The following NOL4L variants were observed in gnomAD, a reference collection of about 807,000 sequenced individuals.
The protein encoded by NOL4L is nucleolar protein 4 like, also known as nucleolar protein 4-like.
NOL4L carries 7 observed loss-of-function variants against 64.5 expected under a neutral mutation model. That is an observed-to-expected ratio of 0.11 (90% confidence interval 0.06 to 0.20). The LOEUF (loss-of-function observed/expected upper bound fraction) is 0.20, where lower values mean the gene tolerates loss of function less well. Among genes scored for constraint, NOL4L ranks in the 10% least tolerant of loss-of-function variants. The pLI, the probability that NOL4L is intolerant of heterozygous loss-of-function variation, is 1.00. For synonymous variants in NOL4L, 413 were observed against 401.0 expected (o/e 1.03, Z -0.36); for missense variants, 680 against 967.1 (o/e 0.70, Z 3.94).
chr20:32,485,257 C>G (rs887935558), intron 4 of NOL4L, among the ~76,000 whole-genome samples: 1 of 152,046 alleles, frequency 6.6e-6, no homozygotes, highest in African/African-American at 2.4e-5. Context: ...TTGAAACAGA[C>G]TGCCTTTAAC....
chr20:32,452,332 C>G lies in NOL4L; in HGVS notation c.1726G>C (p.Ala576Pro). ...TAACTGTAGTTGAGGCCGCCGTTGGCGTACACAGGGTCCTGGGAGTAGGAG... is the reference window on the plus strand; with the variant it reads ...TAACTGTAGTTGAGGCCGCCGTTGGGGTACACAGGGTCCTGGGAGTAGGAG... Reference protein sequence around the residue: ...ASSYSQDPVYANGGLNYSYRG... With the variant: ...ASSYSQDPVYPNGGLNYSYRG... Residue 576 changes from alanine (A) to proline (P), a missense_variant, in exon 10 of 11, where the codon GCC becomes CCC. Around this residue, in one of 4 missense-constraint regions of NOL4L, gnomAD observed 175 missense variants for 227.0 expected, o/e 0.77. Coordinates refer to ENST00000621426, the MANE Select transcript of NOL4L (RefSeq NM_001256798.2). 6.2e-7 allele frequency: 1 copy of G among 1,609,628 alleles called. No homozygotes were observed. The highest frequency in any genetic ancestry group is 8.5e-7 in the Non-Finnish European group (1 of 1,177,486).
chr20:32,470,333 T>C (rs1328693211), intron 5 of NOL4L, among the ~76,000 whole-genome samples: 1 of 152,242 alleles, frequency 6.6e-6, no homozygotes, highest in Non-Finnish European at 1.5e-5. Flanking sequence ...AGCCCCGGCC[T>C]GCAGGAGGCG....
intron 1 of NOL4L, among the ~76,000 whole-genome samples, chr20:32,559,850 G>A (rs968806229): frequency 7.9e-5 from 12 of 152,356 alleles, no homozygotes; most frequent in Admixed American, 7.8e-4. Flanking sequence ...TGTCCCAAGG[G>A]ACCACGGCCA....
At chr20:32,470,079 C>A (rs1461296218) in intron 5 of NOL4L, among the ~76,000 whole-genome samples, 1 of 152,244 alleles carries the variant, frequency 6.6e-6, no homozygotes, top group African/African-American at 2.4e-5. Flanking sequence ...AGCAATCCCC[C>A]GACTGCCCAC....
At chr20:32,490,424 G>A (rs962204228) in intron 4 of NOL4L, among the ~76,000 whole-genome samples, 11 of 152,144 alleles carry the variant, frequency 7.2e-5, no homozygotes, top group Non-Finnish European at 1.0e-4. Flanking sequence ...TGCGACAGGT[G>A]GAAAGTAGGG....
chr20:32,550,991 G>A (rs2018793637), intron 1 of NOL4L, among the ~76,000 whole-genome samples: 1 of 152,006 alleles, frequency 6.6e-6, no homozygotes, highest in Non-Finnish European at 1.5e-5. Flanking sequence ...AGGATGCAGA[G>A]GTTGCAGTGA....
chr20:32,487,937 T>TTA (rs11167169), intron 4 of NOL4L, among the ~76,000 whole-genome samples: 46,924 of 129,678 alleles, frequency 0.36, 8,659 homozygotes, highest in East Asian at 0.84. Context: ...TGGTTTTATT[T>TTA]TTTTTTTTTT....
In NOL4L at chr20:32,579,421, G is replaced by T. The variant is rs182423555; in HGVS notation, c.321+5149C>A. Among the ~76,000 whole-genome samples the T allele has an allele frequency of 9.8e-5, 15 of 152,330 alleles. No individual in the cohort carries two copies. In the East Asian group the frequency reaches 2.9e-3, roughly 29 times the overall value. On this transcript the variant is annotated intron_variant, in intron 1 of 10. Coordinates refer to ENST00000621426, the MANE Select transcript of NOL4L (RefSeq NM_001256798.2). ...CGCACAACCTCTGAGCTAAGATCTGGCTTGAAGAAGCCCAGGTATGCCTGA... is the reference window on the plus strand; with the variant it reads ...CGCACAACCTCTGAGCTAAGATCTGTCTTGAAGAAGCCCAGGTATGCCTGA...
intron 2 of NOL4L, 33 bp from the exon 3 acceptor site, chr20:32,520,955 G>T: frequency 1.4e-6 from 2 of 1,460,712 alleles, no homozygotes; most frequent in South Asian, 1.2e-5. Context: ...TTGTTATATG[G>T]ATCTGTGGGG....
chr20:32,555,917 A>AC (rs1978619087), intron 1 of NOL4L, among the ~76,000 whole-genome samples: 1 of 151,564 alleles, frequency 6.6e-6, no homozygotes, highest in Non-Finnish European at 1.5e-5. Flanking sequence ...GCCCTCCCTG[A>AC]CCCTCCAGAC....
intron 2 of NOL4L, among the ~76,000 whole-genome samples, chr20:32,523,705 C>T (rs2018025493): frequency 6.6e-6 from 1 of 152,216 alleles, no homozygotes; most frequent in Admixed American, 6.5e-5. Flanking sequence ...GACCCTTGTC[C>T]CTGCCCAACT....
At chr20:32,547,076 C>A (rs1367050439) in intron 1 of NOL4L, among the ~76,000 whole-genome samples, 1 of 152,230 alleles carries the variant, frequency 6.6e-6, no homozygotes, top group African/African-American at 2.4e-5. Flanking sequence ...TCTGTAACAA[C>A]AAACATTTAC....
intron 4 of NOL4L, among the ~76,000 whole-genome samples, chr20:32,503,025 G>C (rs1453665369): frequency 6.6e-6 from 1 of 152,234 alleles, no homozygotes; most frequent in Non-Finnish European, 1.5e-5. Flanking sequence ...TGGGATTGCG[G>C]TGGAAGGTCT....
chr20:32,487,365 G>A (rs1487602811), intron 4 of NOL4L, among the ~76,000 whole-genome samples: 1 of 147,978 alleles, frequency 6.8e-6, no homozygotes, highest in Non-Finnish European at 1.5e-5. Flanking sequence ...AGGGGTGGGG[G>A]AGAGGCAGAG....
rs543768294 is a variant in NOL4L, at chr20:32,490,144, A to AAAAAAAAAAAAAAAC, written c.700-15403_700-15402insGTTTTTTTTTTTTTT. On this transcript the variant is annotated intron_variant, in intron 4 of 10. Transcript: ENST00000621426. ...ACTCCATCTCAAAAAAAAAAAAAAA[A>AAAAAAAAAAAAAAAC]ATATATATACACATATATATATGTA... is the stretch of plus-strand genomic sequence containing the variant. Among the ~76,000 whole-genome samples the AAAAAAAAAAAAAAAC allele has an allele frequency of 3.3e-5, 4 of 122,208 alleles. 2 individuals carry two copies. Among genetic ancestry groups the AAAAAAAAAAAAAAAC allele is most frequent in the African/African-American group, 6.4e-5 (2 of 31,458 alleles). The allele number at this position is 122,208 out of a possible 152,430, so 80.2% of individuals were successfully genotyped here. A position where few individuals can be genotyped will look rare whatever the true frequency, so the allele number is the denominator to read the frequency against.
At chr20:32,517,708 G>A (rs1453355584) in intron 3 of NOL4L, among the ~76,000 whole-genome samples, 6 of 152,204 alleles carry the variant, frequency 3.9e-5, no homozygotes, top group Non-Finnish European at 2.9e-5. Flanking sequence ...GGGCCACCTG[G>A]ACGTTGGCAG....
At chr20:32,467,670 A>G (rs1048394824) in intron 5 of NOL4L, among the ~76,000 whole-genome samples, 5 of 152,282 alleles carry the variant, frequency 3.3e-5, no homozygotes, top group Admixed American at 6.5e-5. Context: ...CTGGCCCCCA[A>G]TGGGCCTGTG....
intron 4 of NOL4L, among the ~76,000 whole-genome samples, chr20:32,482,934 C>T (rs1287487341): frequency 6.6e-6 from 1 of 151,818 alleles, no homozygotes; most frequent in African/African-American, 2.4e-5. Context: ...GTGCCGAGCC[C>T]GCTGCACACC....
intron 1 of NOL4L, among the ~76,000 whole-genome samples, chr20:32,569,794 G>A (rs928920704): frequency 6.6e-6 from 1 of 152,182 alleles, no homozygotes; most frequent in African/African-American, 2.4e-5. Context: ...CCACCACAGA[G>A]GCGGTACCTA....
Sources: gnomAD v4.1 joint callset for allele counts (sites outside exome capture counted in the v4.1 genomes callset) on GRCh38, gnomAD v4.1.1 for gene constraint, gnomAD v4.1.1 regional missense constraint, MANE v1.5 for transcripts, NCBI Gene and HGNC (gene_info 2026-07-23, HGNC 2026-07-21) for gene names.